MCPH1: variants seen among roughly 807,000 people sequenced by gnomAD.
The protein encoded by MCPH1 is microcephalin 1.
In MCPH1, 104 loss-of-function variants were observed where a neutral mutation model predicts 84.5. The observed-to-expected ratio is 1.23, with a 90% CI of 1.05 to 1.45. The LOEUF is 1.45. Ranked by LOEUF, MCPH1 falls within the 40% of genes most tolerant of loss-of-function variation. MCPH1 has a pLI of 0.00. For missense variants in MCPH1, 1,498 were observed against 1,005.7 expected (o/e 1.49, Z -6.62); for synonymous variants, 514 against 366.8 (o/e 1.40, Z -4.58).
chr8:6,643,446 G>C lies in MCPH1; in HGVS notation c.*397G>C. On this transcript the variant is annotated 3_prime_UTR_variant, in exon 14 of 14. Transcript: ENST00000344683. ...TGCCTGGCTAATTTTTGTAGTTTTAGTAGAGACAGGGTTTCGCCATGTTGG... is the reference window on the plus strand; with the variant it reads ...TGCCTGGCTAATTTTTGTAGTTTTACTAGAGACAGGGTTTCGCCATGTTGG... The C allele has an allele frequency of 3.9e-6, 1 of 259,094 alleles. No homozygotes were observed. Among genetic ancestry groups the C allele is most frequent in the Admixed American group, 5.1e-5 (1 of 19,578 alleles). 16.0% of individuals were successfully genotyped at this position (259,094 alleles called of 1,614,324 possible).
rs1336321118 is a variant in MCPH1 at position 6,416,250 on chromosome 8, CTTCAT to C, written c.233+1371_233+1375del. ...TTTGTAAATAGAGATAGATTTACTT[CTTCAT>C]TTCTAGTCTGGCCGCATGTTATGTC... On this transcript the variant is annotated intron_variant, in intron 3 of 13. Coordinates refer to ENST00000344683, the MANE Select transcript of MCPH1 (RefSeq NM_024596.5). Among the ~76,000 whole-genome samples, 3 of 152,074 alleles carry C rather than the reference CTTCAT, an allele frequency of 2.0e-5. No homozygotes were observed. In the East Asian group the frequency reaches 5.8e-4, roughly 29 times the overall value.
intron 13 of MCPH1, among the ~76,000 whole-genome samples, chr8:6,632,073 A>C (rs1797202538): frequency 6.6e-6 from 1 of 152,260 alleles, no homozygotes; most frequent in African/African-American, 2.4e-5. Context: ...AAGTGAAATA[A>C]GCCAGAAACC....
chr8:6,503,268 A>C, intron 12 of MCPH1: 1 of 1,614,074 alleles, frequency 6.2e-7, no homozygotes, highest in Non-Finnish European at 8.5e-7. Flanking sequence ...CAGCCTGTGA[A>C]AGTAAAACAC....
At chr8:6,625,808 T>G (rs1345942235) in intron 13 of MCPH1, 23 of 985,188 alleles carry the variant, frequency 2.3e-5, no homozygotes, top group Non-Finnish European at 2.8e-5. Flanking sequence ...AAAGAATCAT[T>G]TTTCAGTGCC....
intron 12 of MCPH1, among the ~76,000 whole-genome samples, chr8:6,580,062 A>G (rs1375538126): frequency 6.6e-6 from 1 of 152,210 alleles, no homozygotes; most frequent in African/African-American, 2.4e-5. Context: ...TCATTGACTC[A>G]GTCTGAACAG....
At chr8:6,610,073 G>A (rs766552003) in intron 12 of MCPH1, among the ~76,000 whole-genome samples, 3 of 152,186 alleles carry the variant, frequency 2.0e-5, no homozygotes, top group African/African-American at 7.2e-5. Flanking sequence ...GCCAAGAGCC[G>A]TAAGGACCCT....
At chr8:6,566,020 T>C (rs1282840124) in intron 12 of MCPH1, among the ~76,000 whole-genome samples, 2 of 152,200 alleles carry the variant, frequency 1.3e-5, no homozygotes, top group Non-Finnish European at 2.9e-5. Context: ...TTTTCGGCTC[T>C]GCAGGCTATA....
chr8:6,557,114 A>G lies in MCPH1; in HGVS notation c.2214+57185A>G, dbSNP rs1824748874. On this transcript the variant is annotated intron_variant, in intron 12 of 13. Coordinates refer to ENST00000344683, the MANE Select transcript of MCPH1 (RefSeq NM_024596.5). Reference sequence around the variant, plus strand: ...CGCACTTCTGCCCAAATTCATGTTCATTCACACTCCTCTCAGCAGTTTTCT... The same window carrying G: ...CGCACTTCTGCCCAAATTCATGTTCGTTCACACTCCTCTCAGCAGTTTTCT... 2.0e-5 allele frequency among the ~76,000 whole-genome samples: 3 copies of G among 152,158 alleles called. No individual in the cohort carries two copies. In the South Asian group the frequency reaches 6.2e-4, roughly 32 times the overall value.
chr8:6,638,105 G>C (rs547665692), intron 13 of MCPH1, among the ~76,000 whole-genome samples: 41 of 151,990 alleles, frequency 2.7e-4, no homozygotes, highest in Non-Finnish European at 4.9e-4. Flanking sequence ...CATGTGATAT[G>C]AGCAGATGAA....
At chr8:6,464,102 C>G (rs1193359704) in intron 9 of MCPH1, among the ~76,000 whole-genome samples, 1 of 152,200 alleles carries the variant, frequency 6.6e-6, no homozygotes, top group Non-Finnish European at 1.5e-5. Context: ...TTCCATTGTT[C>G]AGACCCGCTG....
intron 12 of MCPH1, among the ~76,000 whole-genome samples, chr8:6,505,226 T>A (rs1025808352): frequency 0.01 from 543 of 52,898 alleles, 95 homozygotes; most frequent in African/African-American, 0.057. Flanking sequence ...TATATATTCT[T>A]ATGTATATAT....
chr8:6,643,063 G>A lies in MCPH1; in HGVS notation c.*14G>A. 3.1e-6 allele frequency: 5 copies of A among 1,611,344 alleles called. No individual in the cohort carries two copies. Among genetic ancestry groups the A allele is most frequent in the Non-Finnish European group, 4.2e-6 (5 of 1,177,616 alleles). The stretch of plus-strand genomic sequence containing the variant: ...TTGTCACAATGACAGTGACCTCACT[G>A]GCCTGTGGTGACTGCACACAGCTCG... On this transcript the variant is annotated 3_prime_UTR_variant, in exon 14 of 14. Coordinates refer to ENST00000344683, the MANE Select transcript of MCPH1 (RefSeq NM_024596.5).
At chr8:6,522,393 G>A (rs965664848) in intron 12 of MCPH1, among the ~76,000 whole-genome samples, 8 of 151,734 alleles carry the variant, frequency 5.3e-5, no homozygotes, top group Non-Finnish European at 1.0e-4. Flanking sequence ...TTAGACTAGC[G>A]CCTGTCATAC....
chr8:6,631,404 G>C (rs1009408351), intron 13 of MCPH1, among the ~76,000 whole-genome samples: 3 of 152,014 alleles, frequency 2.0e-5, no homozygotes, highest in Non-Finnish European at 4.4e-5. Flanking sequence ...TATGGAGTAG[G>C]AGAAAATATT....
intron 12 of MCPH1, chr8:6,532,596 AT>A: frequency 7.7e-6 from 6 of 775,578 alleles, no homozygotes; most frequent in Non-Finnish European, 1.1e-5. Flanking sequence ...AAAAAAATCT[AT>A]CAAAAGACTT....
At chr8:6,432,434 A>G (rs1226412963) in intron 4 of MCPH1, among the ~76,000 whole-genome samples, 1 of 152,208 alleles carries the variant, frequency 6.6e-6, no homozygotes, top group Non-Finnish European at 1.5e-5. Flanking sequence ...GAACTTGCAG[A>G]TACAGAGGGC....
At chr8:6,549,552 G>C (rs1406681147) in intron 12 of MCPH1, among the ~76,000 whole-genome samples, 1 of 151,554 alleles carries the variant, frequency 6.6e-6, no homozygotes, top group Non-Finnish European at 1.5e-5. Flanking sequence ...ATATGGATGA[G>C]GAGGGGCGTG....
At chr8:6,578,148 G>A (rs539726250) in intron 12 of MCPH1, among the ~76,000 whole-genome samples, 22 of 152,294 alleles carry the variant, frequency 1.4e-4, no homozygotes, top group African/African-American at 4.8e-4. Context: ...TGTCCCGATG[G>A]GCATTTGGAC....
chr8:6,638,222 G>C (rs1797696395), intron 13 of MCPH1, among the ~76,000 whole-genome samples: 2 of 152,184 alleles, frequency 1.3e-5, no homozygotes, highest in South Asian at 2.1e-4. Flanking sequence ...TGAAGCCGCA[G>C]AGGCTGGGTG....
Sources: gnomAD v4.1 joint callset for allele counts (sites outside exome capture counted in the v4.1 genomes callset) on GRCh38, gnomAD v4.1.1 for gene constraint, MANE v1.5 for transcripts, NCBI Gene and HGNC (gene_info 2026-07-23, HGNC 2026-07-21) for gene names.